GGA1: variants seen among roughly 807,000 people sequenced by gnomAD.
GGA1 encodes golgi associated, gamma adaptin ear containing, ARF binding protein 1.
A neutral mutation model predicts 76.9 loss-of-function variants in GGA1; 18 were observed. That is an observed-to-expected ratio of 0.23 (90% CI 0.16 to 0.35). The LOEUF is 0.35. Ranked by LOEUF, GGA1 falls within the 10% of genes least tolerant of loss-of-function variation. The pLI, the probability that GGA1 is intolerant of heterozygous loss-of-function variation, is 1.00. For synonymous variants in GGA1, 342 were observed against 354.7 expected (o/e 0.96, Z 0.40); for missense variants, 755 against 859.0 (o/e 0.88, Z 1.51).
chr22:37,617,448 C>G (rs549860423), intron 3 of GGA1: 1 of 1,019,716 alleles, frequency 9.8e-7, no homozygotes, highest in Non-Finnish European at 1.2e-6. Context: ...GAGGGGTGTA[C>G]TGTCTGTGGC....
chr22:37,616,203 G>A (rs914407343), intron 2 of GGA1, among the ~76,000 whole-genome samples: 10 of 152,182 alleles, frequency 6.6e-5, no homozygotes, highest in African/African-American at 1.9e-4. Context: ...CACAAACAGC[G>A]GTGTGTGTGC....
rs781127608 is a variant in GGA1 at position 37,632,686 on chromosome 22, C to G, written c.1895C>G (p.Pro632Arg). 1.7e-4 allele frequency: 270 copies of G among 1,605,108 alleles called. No individual in the cohort carries two copies. Among genetic ancestry groups the G allele is most frequent in the Non-Finnish European group, 1.6e-4 (183 of 1,172,966 alleles). Residue 632 changes from proline to arginine, a missense_variant, in exon 17 of 17, where the codon CCA becomes CGA. Coordinates refer to ENST00000343632, the MANE Select transcript of GGA1 (RefSeq NM_013365.5). This position sits in a 1 kb window ranked among gnomAD's most constrained non-coding sequence, Gnocchi z 5.1. Reference protein sequence around the residue: ...NEMGDVDQFPPPETWGSL With the variant: ...NEMGDVDQFPRPETWGSL ...ATGGGGGATGTGGACCAGTTCCCCC[C>G]ACCTGAAACCTGGGGTAGCCTCTAG...
intron 13 of GGA1, 194 bp downstream of exon 13, chr22:37,630,364 T>A: frequency 1.8e-6 from 1 of 540,662 alleles, no homozygotes; most frequent in East Asian, 3.4e-5. Context: ...CCCACTGGCC[T>A]GGCCTCCCCC....
At position 37,623,489 on chromosome 22, in the gene GGA1, C is replaced by A; in HGVS notation, c.750+22C>A. On this transcript the variant is annotated intron_variant, in intron 8 of 16. Coordinates refer to ENST00000343632, the MANE Select transcript of GGA1 (RefSeq NM_013365.5). The surrounding 1 kb of genome is among the most constrained non-coding windows in gnomAD (Gnocchi z 4.6). Reference sequence around the variant, plus strand: ...GAAGGTGCACCTGCCTCCCTGCCTACCCCACTCCCTGCCCACTCCACAGCC... The same window carrying A: ...GAAGGTGCACCTGCCTCCCTGCCTAACCCACTCCCTGCCCACTCCACAGCC... 2 of 1,613,532 alleles carry A rather than the reference C, an allele frequency of 1.2e-6. No homozygotes were observed. The highest frequency in any genetic ancestry group is 8.5e-7 in the Non-Finnish European group (1 of 1,179,578).
intron 1 of GGA1, among the ~76,000 whole-genome samples, chr22:37,613,404 G>A (rs528613927): frequency 1.1e-4 from 17 of 150,582 alleles, no homozygotes; most frequent in Non-Finnish European, 2.4e-4. Flanking sequence ...TTTTTTGTTT[G>A]TTTGAGACGG....
intron 1 of GGA1, among the ~76,000 whole-genome samples, chr22:37,611,324 G>C (rs1927535056): frequency 6.6e-6 from 1 of 151,742 alleles, no homozygotes; most frequent in African/African-American, 2.4e-5. Flanking sequence ...AGCCCTCCCA[G>C]AGAGCAGCTC....
In GGA1 at chr22:37,633,107, G is replaced by T. The variant is rs564331586; in HGVS notation, c.*396G>T. On this transcript the variant is annotated 3_prime_UTR_variant, in exon 17 of 17. Coordinates refer to ENST00000343632, the MANE Select transcript of GGA1 (RefSeq NM_013365.5). ...CCTGTCTCTTATGCCTTATGGGAAG[G>T]CCCAGCCATAACTCGGGGGCCATGC... 2.2e-4 allele frequency: 41 copies of T among 184,978 alleles called. No homozygotes were observed. In the South Asian group the frequency reaches 4.9e-3, roughly 22 times the overall value. The allele number at this position is 184,978 out of a possible 1,614,324, so 11.5% of individuals were successfully genotyped here. A position where few individuals can be genotyped will look rare whatever the true frequency, so the allele number is the denominator to read the frequency against.
At position 37,625,722 on chromosome 22, in the gene GGA1, T is replaced by TC; in HGVS notation, c.941-70dup. The TC allele has an allele frequency of 8.5e-7, 1 of 1,180,522 alleles. No homozygotes were observed. Among genetic ancestry groups the TC allele is most frequent in the East Asian group, 2.6e-5 (1 of 38,042 alleles). The allele number at this position is 1,180,522 out of a possible 1,614,324, so 73.1% of individuals were successfully genotyped here. A position where few individuals can be genotyped will look rare whatever the true frequency, so the allele number is the denominator to read the frequency against. On this transcript the variant is annotated intron_variant, in intron 10 of 16. Coordinates refer to ENST00000343632, the MANE Select transcript of GGA1 (RefSeq NM_013365.5). The surrounding 1 kb of genome is among the most constrained non-coding windows in gnomAD (Gnocchi z 4.1). ...TAAAGCATCGGGGGTTAGGTGTTGC[T>TC]CCCCCGCAACCCCTGTGGACTCTGA...
At chr22:37,619,854 A>T in intron 4 of GGA1, 1 of 774,366 alleles carries the variant, frequency 1.3e-6, no homozygotes, top group South Asian at 1.4e-5. Context: ...TAGGAGACGG[A>T]GAGTAGGCCC....
intron 2 of GGA1, among the ~76,000 whole-genome samples, chr22:37,616,658 A>G (rs1181374103): frequency 6.6e-6 from 1 of 152,184 alleles, no homozygotes; most frequent in Non-Finnish European, 1.5e-5. Context: ...TACCTTTTGA[A>G]GGTCCCTGCC....
chr22:37,619,401 G>A (rs1156326360), intron 4 of GGA1, among the ~76,000 whole-genome samples: 4 of 125,508 alleles, frequency 3.2e-5, no homozygotes, highest in Admixed American at 8.6e-5. Flanking sequence ...TTTTTGACAA[G>A]GAGTTTCACT....
Position 37,616,159 on chromosome 22 carries a change from G to A in GGA1, c.129-763G>A, listed in dbSNP as rs3985990. 5.3e-5 allele frequency among the ~76,000 whole-genome samples: 8 copies of A among 152,114 alleles called. No individual in the cohort carries two copies. The East Asian group carries it at 1.4e-3, about 26-fold the overall frequency. Reference sequence around the variant, plus strand: ...GCCCAGCTGGGAGTGGACATTCTTAGTGGGCTCCCCAGGCGATACTAAAGT... The same window carrying A: ...GCCCAGCTGGGAGTGGACATTCTTAATGGGCTCCCCAGGCGATACTAAAGT... On this transcript the variant is annotated intron_variant, in intron 2 of 16. Coordinates refer to ENST00000343632, the MANE Select transcript of GGA1 (RefSeq NM_013365.5).
At chr22:37,615,602 A>G (rs1447727977) in intron 2 of GGA1, among the ~76,000 whole-genome samples, 1 of 151,168 alleles carries the variant, frequency 6.6e-6, no homozygotes, top group Non-Finnish European at 1.5e-5. Context: ...CATCTCTACT[A>G]AAAATGCAAA....
chr22:37,609,063 C>G (rs1215601142), intron 1 of GGA1, 160 bp downstream of exon 1: 2 of 1,488,922 alleles, frequency 1.3e-6, no homozygotes, highest in African/African-American at 2.9e-5. Context: ...GACCCTGGAG[C>G]GATGGAGGAC....
chr22:37,620,339 C>A lies in GGA1; in HGVS notation c.405C>A (p.Ala135=), dbSNP rs756738996. 6.2e-7 allele frequency: 1 copy of A among 1,613,998 alleles called. No individual in the cohort carries two copies. Residue 135 remains alanine, a synonymous_variant, in exon 5 of 17, where the codon GCC becomes GCA. Transcript: ENST00000343632. The stretch of plus-strand genomic sequence containing the variant: ...CCGAGGAGGTGAAAATCGCAGAGGC[C>A]TACCAGATGCTAAAGAAGCAGGGTG... The part of the protein sequence containing the change: ...GLPEEVKIAE[A]YQMLKKQGIV...
At chr22:37,613,592 G>C (rs972211311) in intron 1 of GGA1, among the ~76,000 whole-genome samples, 4 of 151,990 alleles carry the variant, frequency 2.6e-5, no homozygotes, top group Non-Finnish European at 5.9e-5. Context: ...GTAGAGATGG[G>C]GTTTCATCGT....
chr22:37,619,062 G>C (rs954722481), intron 4 of GGA1, among the ~76,000 whole-genome samples: 1 of 152,020 alleles, frequency 6.6e-6, no homozygotes, highest in Admixed American at 6.6e-5. Flanking sequence ...GACCATGAAC[G>C]TTTCTTTTTC....
intron 1 of GGA1, 123 bp downstream of exon 1, chr22:37,609,026 G>C: frequency 7.2e-7 from 1 of 1,395,792 alleles, no homozygotes; most frequent in Non-Finnish European, 9.3e-7. Flanking sequence ...CGGCCCGGGA[G>C]GGGCGGTGTC....
intron 1 of GGA1, chr22:37,613,145 C>G (rs1241071228): frequency 9.1e-6 from 9 of 985,314 alleles, no homozygotes; most frequent in Admixed American, 6.1e-5. Context: ...AAGGGGACAC[C>G]GGAGCCACTC....
Sources: gnomAD v4.1 joint callset for allele counts (sites outside exome capture counted in the v4.1 genomes callset) on GRCh38, gnomAD v4.1.1 for gene constraint, Gnocchi (gnomAD v3.1) non-coding constraint, MANE v1.5 for transcripts, NCBI Gene and HGNC (gene_info 2026-07-23, HGNC 2026-07-21) for gene names.